CSMD1: variants seen among roughly 807,000 people sequenced by gnomAD.
CSMD1 encodes the protein CUB and Sushi multiple domains 1, also known as CUB and sushi domain-containing protein 1.
A neutral mutation model predicts 417.5 loss-of-function variants in CSMD1; 213 were observed. That is an observed-to-expected ratio of 0.51 (90% CI 0.46 to 0.57). The LOEUF is 0.57. CSMD1 is among the 20% of genes least tolerant of loss of function. The pLI is 0.00. For synonymous variants in CSMD1, 2,862 were observed against 1,736.8 expected, an observed-to-expected ratio of 1.65 and a Z score of -16.11; for missense variants, 6,923 against 4,529.7, an observed-to-expected ratio of 1.53 and a Z score of -15.17.
intron 5 of CSMD1, among the ~76,000 whole-genome samples, chr8:3,863,461 T>A (rs1305593298): frequency 2.6e-5 from 4 of 151,602 alleles, no homozygotes; most frequent in Admixed American, 2.6e-4. Context: ...CTTAGTCTCT[T>A]CCCAATGACC....
intron 5 of CSMD1, among the ~76,000 whole-genome samples, chr8:3,866,911 C>A (rs376280452): frequency 6.6e-6 from 1 of 152,198 alleles, no homozygotes; most frequent in East Asian, 1.9e-4. Context: ...TGTTTTCATA[C>A]TGCCACTGGA....
At chr8:4,077,340 T>C (rs975895026) in intron 3 of CSMD1, among the ~76,000 whole-genome samples, 6 of 146,622 alleles carry the variant, frequency 4.1e-5, no homozygotes, top group East Asian at 2.0e-4. Flanking sequence ...ATATAGATTA[T>C]ATATAATTTA....
chr8:3,315,584 A>G (rs1805697346), intron 23 of CSMD1, among the ~76,000 whole-genome samples: 1 of 152,012 alleles, frequency 6.6e-6, no homozygotes, highest in African/African-American at 2.4e-5. Flanking sequence ...CCCATATATT[A>G]AGTTTTTGCT....
chr8:3,654,288 T>G (rs867719109), intron 7 of CSMD1, among the ~76,000 whole-genome samples: 2 of 152,182 alleles, frequency 1.3e-5, no homozygotes, highest in African/African-American at 4.8e-5. Flanking sequence ...TTAAGTACAA[T>G]AGAAATACAA....
At chr8:2,988,491 C>A (rs1279043774) in intron 54 of CSMD1, among the ~76,000 whole-genome samples, 1 of 152,132 alleles carries the variant, frequency 6.6e-6, no homozygotes, top group Non-Finnish European at 1.5e-5. Context: ...TGGCTCAACT[C>A]TTAGGCATAG....
At chr8:4,098,881 G>T (rs1801159481) in intron 3 of CSMD1, among the ~76,000 whole-genome samples, 2 of 152,152 alleles carry the variant, frequency 1.3e-5, no homozygotes, top group African/African-American at 4.8e-5. Context: ...CGTCCAGAAA[G>T]CACTGAGGAC....
chr8:3,546,884 A>C (rs917754749), intron 10 of CSMD1, among the ~76,000 whole-genome samples: 2 of 152,228 alleles, frequency 1.3e-5, no homozygotes. Flanking sequence ...GTTGCAAGGG[A>C]AACTGTGAAA....
intron 3 of CSMD1, among the ~76,000 whole-genome samples, chr8:4,234,128 T>C (rs1455448925): frequency 6.6e-6 from 1 of 152,140 alleles, no homozygotes; most frequent in South Asian, 2.1e-4. Context: ...TTAAATGAAA[T>C]GGAAGATTAT....
chr8:4,140,123 C>T (rs1275170307), intron 3 of CSMD1, among the ~76,000 whole-genome samples: 3 of 150,818 alleles, frequency 2.0e-5, no homozygotes, highest in African/African-American at 7.5e-5. Flanking sequence ...GAGGTGAAGG[C>T]GGGAGGATTC....
At chr8:3,147,878 A>G (rs1441063340) in intron 40 of CSMD1, among the ~76,000 whole-genome samples, 1 of 152,202 alleles carries the variant, frequency 6.6e-6, no homozygotes, top group Non-Finnish European at 1.5e-5. Context: ...GAGCTGGTTA[A>G]CTGGTTACTT....
chr8:3,836,668 C>T (rs1170631986), intron 5 of CSMD1, among the ~76,000 whole-genome samples: 2 of 152,000 alleles, frequency 1.3e-5, no homozygotes, highest in Non-Finnish European at 1.5e-5. Flanking sequence ...ACGTGAGTTC[C>T]TGTAATAACC....
intron 50 of CSMD1, among the ~76,000 whole-genome samples, chr8:3,040,615 C>T (rs1357591768): frequency 2.6e-5 from 4 of 151,554 alleles, no homozygotes. Flanking sequence ...CCAGCCTGGC[C>T]AACATGATGA....
At chr8:3,274,740 A>G (rs7816681) in intron 26 of CSMD1, among the ~76,000 whole-genome samples, 41,695 of 151,826 alleles carry the variant, frequency 0.27, 5,948 homozygotes, top group African/African-American at 0.34. Flanking sequence ...ATGAGAGACT[A>G]GGATTGCAAC....
intron 38 of CSMD1, 68 bp from the exon 39 acceptor site, chr8:3,158,034 A>G (rs3802295): frequency 0.065 from 79,252 of 1,215,386 alleles, 2,741 homozygotes; most frequent in Middle Eastern, 0.12. Flanking sequence ...TAAATGTTTG[A>G]GAATATCTGC....
chr8:3,101,799 C>CTTTTTTT (rs530061255), intron 46 of CSMD1, among the ~76,000 whole-genome samples: 6 of 106,348 alleles, frequency 5.6e-5, no homozygotes, highest in Non-Finnish European at 9.5e-5. Flanking sequence ...CTTTCTTTTT[C>CTTTTTTT]TTTTTTTTTT....
intron 5 of CSMD1, among the ~76,000 whole-genome samples, chr8:3,883,483 C>G (rs1163674943): frequency 6.6e-6 from 1 of 152,026 alleles, no homozygotes; most frequent in East Asian, 1.9e-4. Flanking sequence ...TGTATATGCA[C>G]ACAAATATAC....
intron 3 of CSMD1, among the ~76,000 whole-genome samples, chr8:4,100,714 T>C (rs1801261964): frequency 1.3e-5 from 2 of 152,158 alleles, no homozygotes; most frequent in South Asian, 4.1e-4. Context: ...TTTTTCCTCA[T>C]AAACTTCCAC....
chr8:3,975,755 T>C (rs1010582113), intron 5 of CSMD1, among the ~76,000 whole-genome samples: 1 of 152,224 alleles, frequency 6.6e-6, no homozygotes, highest in Non-Finnish European at 1.5e-5. Flanking sequence ...GAAAATGTCA[T>C]GTCCAAGTCT....
intron 56 of CSMD1, among the ~76,000 whole-genome samples, chr8:2,974,235 G>A (rs1337620705): frequency 6.6e-6 from 1 of 152,230 alleles, no homozygotes; most frequent in African/African-American, 2.4e-5. Flanking sequence ...GAACCCCGGA[G>A]GAGAACATTT....
Sources: allele counts gnomAD v4.1 joint callset (sites outside exome capture counted in the v4.1 genomes callset), GRCh38; gene constraint gnomAD v4.1.1; transcripts MANE v1.5; gene names NCBI Gene and HGNC (gene_info 2026-07-23, HGNC 2026-07-21).